Variants in TRIM71 observed in about 807,000 individuals in gnomAD.
The protein encoded by TRIM71 is tripartite motif containing 71.
Under a neutral mutation model 61.2 loss-of-function variants are expected in TRIM71, and 9 were observed. That is an observed-to-expected ratio of 0.15 (90% CI 0.09 to 0.26). TRIM71 has a LOEUF of 0.26. Among genes scored for constraint, TRIM71 ranks in the 10% least tolerant of loss-of-function variants. The pLI, the probability that TRIM71 is intolerant of heterozygous loss-of-function variation, is 1.00. For missense variants in TRIM71, 998 were observed against 1,238.7 expected, an observed-to-expected ratio of 0.81 and a Z score of 2.92; for synonymous variants, 645 against 553.2, an observed-to-expected ratio of 1.17 and a Z score of -2.33.
intron 1 of TRIM71, among the ~76,000 whole-genome samples, chr3:32,844,206 A>G (rs1455128675): frequency 6.6e-6 from 1 of 152,116 alleles, no homozygotes; most frequent in Non-Finnish European, 1.5e-5. Context: ...TGATTCTCTA[A>G]AACTGGGGTG....
chr3:32,870,372 C>CT (rs1466069083), intron 1 of TRIM71, among the ~76,000 whole-genome samples: 1 of 152,168 alleles, frequency 6.6e-6, no homozygotes, highest in African/African-American at 2.4e-5. Context: ...TGGGTGCTCC[C>CT]TGTCCCCATC....
intron 1 of TRIM71, among the ~76,000 whole-genome samples, chr3:32,870,514 AT>A (rs1249157928): frequency 1.3e-5 from 2 of 151,902 alleles, no homozygotes; most frequent in Admixed American, 6.6e-5. Flanking sequence ...GACCCCTTTC[AT>A]TTGTATATCT....
At chr3:32,866,143 A>G (rs1423065554) in intron 1 of TRIM71, among the ~76,000 whole-genome samples, 1 of 150,966 alleles carries the variant, frequency 6.6e-6, no homozygotes, top group Non-Finnish European at 1.5e-5. Context: ...CTTTTAAAAC[A>G]TGATGCTTCC....
At chr3:32,826,310 T>C (rs1457201525) in intron 1 of TRIM71, among the ~76,000 whole-genome samples, 2 of 151,984 alleles carry the variant, frequency 1.3e-5, no homozygotes, top group East Asian at 3.9e-4. Flanking sequence ...ATACAAAAAT[T>C]AGCCGGACGA....
intron 1 of TRIM71, among the ~76,000 whole-genome samples, chr3:32,822,881 A>C (rs1203998318): frequency 6.6e-6 from 1 of 152,252 alleles, no homozygotes; most frequent in Non-Finnish European, 1.5e-5. Flanking sequence ...GAATTTCTAC[A>C]AGAAATTGGC....
intron 2 of TRIM71, among the ~76,000 whole-genome samples, chr3:32,880,523 T>C (rs775895860): frequency 3.9e-5 from 6 of 152,210 alleles, no homozygotes; most frequent in Non-Finnish European, 7.3e-5. Flanking sequence ...TCACAACTTG[T>C]CCTGAGAGTC....
chr3:32,861,283 TCTC>T lies in TRIM71; in HGVS notation c.853-12532_853-12530del, dbSNP rs537875775. ...ACCTCCGCCTCCAGGTTCAAGCAAT[TCTC>T]CTGCCTCAGCCTCCTGAGTAGCTGG... On this transcript the variant is annotated intron_variant, in intron 1 of 3. Coordinates refer to ENST00000383763, the MANE Select transcript of TRIM71 (RefSeq NM_001039111.3). Among the ~76,000 whole-genome samples, 1,343 of 150,588 alleles carry T rather than the reference TCTC, an allele frequency of 8.9e-3. 9 individuals carry two copies. The highest frequency in any genetic ancestry group is 0.014 in the Non-Finnish European group (929 of 67,570).
rs916408023 is a variant in TRIM71 at position 32,890,237 on chromosome 3, G to A, written c.1156-123G>A. ...TTTTGAAGAAAGACAGATGTCTTTT[G>A]TAGACCATCCCACAATATGTGTTTG... is the stretch of plus-strand genomic sequence containing the variant. On this transcript the variant is annotated intron_variant, in intron 3 of 3. Coordinates refer to ENST00000383763, the MANE Select transcript of TRIM71 (RefSeq NM_001039111.3). This position sits in a 1 kb window ranked among gnomAD's most constrained non-coding sequence, Gnocchi z 6.2. 2 of 1,333,434 alleles carry A rather than the reference G, an allele frequency of 1.5e-6. No homozygotes were observed. Among genetic ancestry groups the A allele is most frequent in the South Asian group, 1.5e-5 (1 of 68,868 alleles). The allele number at this position is 1,333,434 out of a possible 1,614,324, so 82.6% of individuals were successfully genotyped here.
intron 1 of TRIM71, among the ~76,000 whole-genome samples, chr3:32,844,515 G>A (rs1047890167): frequency 1.3e-5 from 2 of 152,106 alleles, no homozygotes; most frequent in Non-Finnish European, 2.9e-5. Context: ...TTCTGCCTCA[G>A]CCTCTGGCGT....
At chr3:32,859,563 T>A (rs1438253398) in intron 1 of TRIM71, among the ~76,000 whole-genome samples, 1 of 152,170 alleles carries the variant, frequency 6.6e-6, no homozygotes, top group Admixed American at 6.5e-5. Context: ...TGGCCAACTT[T>A]GGGGTTCTGG....
At chr3:32,886,176 A>G (rs1430962399) in intron 3 of TRIM71, 108 bp downstream of exon 3, 6 of 1,346,984 alleles carry the variant, frequency 4.5e-6, no homozygotes, top group Non-Finnish European at 5.8e-6. Flanking sequence ...TCTAAGTTTA[A>G]AACACTTCGT....
At position 32,829,644 on chromosome 3, in the gene TRIM71, G is replaced by T. The variant is rs944666441; in HGVS notation, c.852+10712G>T. 2.6e-5 allele frequency among the ~76,000 whole-genome samples: 4 copies of T among 151,892 alleles called. No individual in the cohort carries two copies. The South Asian group carries it at 8.3e-4, about 32-fold the overall frequency. ...CATGGTATTGTGTGTGTGTGTGTGT[G>T]TGTGTGTTTGTGTGTGCGTGTGTGT... On this transcript the variant is annotated intron_variant, in intron 1 of 3. Coordinates refer to ENST00000383763, the MANE Select transcript of TRIM71 (RefSeq NM_001039111.3).
chr3:32,886,106 T>G (rs2125692228), intron 3 of TRIM71, 38 bp downstream of exon 3: 1 of 1,589,874 alleles, frequency 6.3e-7, no homozygotes, highest in Non-Finnish European at 8.6e-7. Context: ...CTGTGCCCAC[T>G]CGGCTTCCAT....
chr3:32,867,052 T>C (rs557122519), intron 1 of TRIM71, among the ~76,000 whole-genome samples: 1 of 152,218 alleles, frequency 6.6e-6, no homozygotes, highest in African/African-American at 2.4e-5. Flanking sequence ...GGCATCCCTC[T>C]CTGATTTCAA....
At chr3:32,849,629 G>A (rs1168191648) in intron 1 of TRIM71, among the ~76,000 whole-genome samples, 2 of 152,216 alleles carry the variant, frequency 1.3e-5, no homozygotes, top group Non-Finnish European at 2.9e-5. Flanking sequence ...AAAGTGCTGG[G>A]ATTTACAGGC....
Position 32,890,318 on chromosome 3 carries a change from C to G in TRIM71, c.1156-42C>G, listed in dbSNP as rs1333887358. On this transcript the variant is annotated intron_variant, in intron 3 of 3. Coordinates refer to ENST00000383763, the MANE Select transcript of TRIM71 (RefSeq NM_001039111.3). This position sits in a 1 kb window ranked among gnomAD's most constrained non-coding sequence, Gnocchi z 6.2. ...TATGTGGTATTTTCTGTGCTTGGCT[C>G]TAAGCCTCTGTGTCTTTCTCCACTC... is the stretch of plus-strand genomic sequence containing the variant. The G allele has an allele frequency of 8.8e-6, 14 of 1,582,900 alleles. No individual in the cohort carries two copies. Among genetic ancestry groups the G allele is most frequent in the African/African-American group, 5.4e-5 (4 of 74,484 alleles).
At chr3:32,821,788 G>C (rs942321932) in intron 1 of TRIM71, among the ~76,000 whole-genome samples, 141 of 151,312 alleles carry the variant, frequency 9.3e-4, no homozygotes, top group Middle Eastern at 6.8e-3. Flanking sequence ...GGTCCCGGGA[G>C]AGGCGGGCGC....
At chr3:32,840,938 C>T (rs1272071200) in intron 1 of TRIM71, among the ~76,000 whole-genome samples, 1 of 152,142 alleles carries the variant, frequency 6.6e-6, no homozygotes, top group Non-Finnish European at 1.5e-5. Context: ...ACTAAAGATT[C>T]TATCCCTTCC....
intron 3 of TRIM71, among the ~76,000 whole-genome samples, chr3:32,886,754 G>T (rs1288076352): frequency 6.6e-6 from 1 of 152,172 alleles, no homozygotes; most frequent in East Asian, 1.9e-4. Flanking sequence ...GAGTGTGCCT[G>T]TTTCCATCTC....
Sources: allele counts gnomAD v4.1 joint callset (sites outside exome capture counted in the v4.1 genomes callset), GRCh38; gene constraint gnomAD v4.1.1; non-coding constraint Gnocchi (gnomAD v3.1); transcripts MANE v1.5; gene names NCBI Gene and HGNC (gene_info 2026-07-23, HGNC 2026-07-21).